Variants in FBXL17 observed in about 807,000 individuals in gnomAD.
The protein encoded by FBXL17 is F-box and leucine rich repeat protein 17.
A neutral mutation model predicts 66.2 loss-of-function variants in FBXL17; 22 were observed. That is an observed-to-expected ratio of 0.33 (90% confidence interval 0.24 to 0.47). FBXL17 has a LOEUF of 0.47. Among genes scored for constraint, FBXL17 ranks in the 20% least tolerant of loss-of-function variants. The pLI, the probability that FBXL17 is intolerant of heterozygous loss-of-function variation, is 1.00. For synonymous variants in FBXL17, 474 were observed against 400.5 expected (o/e 1.18, Z -2.19); for missense variants, 878 against 948.2 (o/e 0.93, Z 0.97).
At chr5:108,241,616 A>G (rs908266240) in intron 4 of FBXL17, among the ~76,000 whole-genome samples, 2 of 152,212 alleles carry the variant, frequency 1.3e-5, no homozygotes, top group African/African-American at 2.4e-5. Context: ...CTAGAGAAAG[A>G]TAACAATATT....
intron 5 of FBXL17, among the ~76,000 whole-genome samples, chr5:108,217,438 A>G (rs1281568512): frequency 6.6e-6 from 1 of 151,880 alleles, no homozygotes; most frequent in East Asian, 1.9e-4. Context: ...AACACCGGCA[A>G]CTTTTTTTTT....
At chr5:108,312,556 G>A (rs1759174838) in intron 4 of FBXL17, among the ~76,000 whole-genome samples, 1 of 150,884 alleles carries the variant, frequency 6.6e-6, no homozygotes, top group African/African-American at 2.4e-5. Context: ...ATAAACCTAA[G>A]TTACACTTGA....
chr5:107,964,605 T>C (rs1355711811), intron 7 of FBXL17, among the ~76,000 whole-genome samples: 1 of 152,078 alleles, frequency 6.6e-6, no homozygotes, highest in Non-Finnish European at 1.5e-5. Flanking sequence ...CCATTATCAT[T>C]AGTACACAGT....
intron 6 of FBXL17, among the ~76,000 whole-genome samples, chr5:108,162,507 A>T (rs1752254407): frequency 1.3e-5 from 2 of 152,128 alleles, no homozygotes; most frequent in South Asian, 2.1e-4. Flanking sequence ...CAAACAAACA[A>T]ACATACAAAA....
intron 7 of FBXL17, among the ~76,000 whole-genome samples, chr5:107,928,181 A>G (rs1406437031): frequency 6.6e-6 from 1 of 152,114 alleles, no homozygotes; most frequent in Non-Finnish European, 1.5e-5. Flanking sequence ...CAGCATGTAG[A>G]AACACACAAA....
At position 108,305,109 on chromosome 5, in the gene FBXL17, G is replaced by A. The variant is rs572669973; in HGVS notation, c.1506+43290C>T. Among the ~76,000 whole-genome samples, 6 of 152,168 alleles carry A rather than the reference G, an allele frequency of 3.9e-5. No homozygotes were observed. In the South Asian group the frequency reaches 1.2e-3, roughly 32 times the overall value. On this transcript the variant is annotated intron_variant, in intron 4 of 8. Coordinates refer to ENST00000542267, the MANE Select transcript of FBXL17 (RefSeq NM_001163315.3). ...AAGTCTGACCCTAATAGAAAAGAGAGGAAAGAGAACTTATGTGCAGGAAAA... is the reference window on the plus strand; with the variant it reads ...AAGTCTGACCCTAATAGAAAAGAGAAGAAAGAGAACTTATGTGCAGGAAAA...
intron 5 of FBXL17, among the ~76,000 whole-genome samples, chr5:108,211,827 G>C (rs1292377053): frequency 6.6e-6 from 1 of 152,136 alleles, no homozygotes; most frequent in African/African-American, 2.4e-5. Context: ...TTCTCGAGGA[G>C]TATCTTTGTG....
chr5:108,049,309 A>ATT (rs112236020), intron 6 of FBXL17, among the ~76,000 whole-genome samples: 1 of 145,886 alleles, frequency 6.9e-6, no homozygotes, highest in Non-Finnish European at 1.5e-5. Flanking sequence ...CACCCAGCTA[A>ATT]TTTTTTTTTT....
intron 6 of FBXL17, among the ~76,000 whole-genome samples, chr5:108,092,595 G>T: frequency 6.6e-6 from 1 of 152,186 alleles, no homozygotes; most frequent in Non-Finnish European, 1.5e-5. Context: ...GATTACAGAC[G>T]TTGAGCCACT....
chr5:108,238,544 T>C (rs1437583430), intron 4 of FBXL17, among the ~76,000 whole-genome samples: 1 of 152,214 alleles, frequency 6.6e-6, no homozygotes, highest in African/African-American at 2.4e-5. Flanking sequence ...AGGGTCTCAT[T>C]CTGTCACCCA....
chr5:108,150,869 C>T (rs1751747133), intron 6 of FBXL17, among the ~76,000 whole-genome samples: 1 of 152,140 alleles, frequency 6.6e-6, no homozygotes, highest in African/African-American at 2.4e-5. Context: ...GGTACCTTTG[C>T]CCTACATAAT....
At chr5:108,153,996 T>C (rs148092473) in intron 6 of FBXL17, among the ~76,000 whole-genome samples, 2 of 152,060 alleles carry the variant, frequency 1.3e-5, no homozygotes, top group African/African-American at 4.8e-5. Context: ...ATAGCCCAAA[T>C]GAGCTCACTC....
chr5:108,000,301 C>T (rs554264750), intron 7 of FBXL17, among the ~76,000 whole-genome samples: 11 of 152,284 alleles, frequency 7.2e-5, no homozygotes, highest in Non-Finnish European at 1.3e-4. Flanking sequence ...TAAGGCTTCA[C>T]CAGGCCAAGG....
At chr5:108,129,178 C>T (rs796869613) in intron 6 of FBXL17, among the ~76,000 whole-genome samples, 7 of 152,156 alleles carry the variant, frequency 4.6e-5, no homozygotes, top group African/African-American at 1.2e-4. Flanking sequence ...TGATGGAGCA[C>T]GTGAATTAAA....
intron 5 of FBXL17, among the ~76,000 whole-genome samples, chr5:108,212,690 C>T (rs565690487): frequency 1.3e-5 from 2 of 152,296 alleles, no homozygotes; most frequent in East Asian, 1.9e-4. Flanking sequence ...CAGGAAGCTT[C>T]GTCCCAGAGG....
intron 6 of FBXL17, among the ~76,000 whole-genome samples, chr5:108,091,109 G>A (rs975225134): frequency 6.6e-6 from 1 of 152,114 alleles, no homozygotes; most frequent in Non-Finnish European, 1.5e-5. Context: ...CTGTTAAAAC[G>A]AAACAAAACC....
intron 7 of FBXL17, among the ~76,000 whole-genome samples, chr5:107,984,507 A>T (rs1392978744): frequency 6.6e-6 from 1 of 152,146 alleles, no homozygotes; most frequent in Non-Finnish European, 1.5e-5. Context: ...CAGTTCCCAG[A>T]TGCCTGTGAG....
intron 6 of FBXL17, among the ~76,000 whole-genome samples, chr5:108,169,371 A>C (rs1424879308): frequency 6.6e-6 from 1 of 152,244 alleles, no homozygotes; most frequent in Non-Finnish European, 1.5e-5. Context: ...TAGTCATTCC[A>C]TAAATGTCTA....
At chr5:108,101,694 A>G (rs1295865433) in intron 6 of FBXL17, among the ~76,000 whole-genome samples, 3 of 152,232 alleles carry the variant, frequency 2.0e-5, no homozygotes, top group Non-Finnish European at 4.4e-5. Flanking sequence ...TTCCCAAGCA[A>G]TCTTCTCCCA....
Sources: gnomAD v4.1 joint callset for allele counts (sites outside exome capture counted in the v4.1 genomes callset) on GRCh38, gnomAD v4.1.1 for gene constraint, MANE v1.5 for transcripts, NCBI Gene and HGNC (gene_info 2026-07-23, HGNC 2026-07-21) for gene names.